The following NHS variants were observed in gnomAD, a reference collection of about 807,000 sequenced individuals.
NHS encodes the protein actin remodeling regulator NHS.
In NHS, 5 loss-of-function variants were observed where a neutral mutation model predicts 72.5. The observed-to-expected ratio is 0.07, with a 90% CI of 0.04 to 0.14. The LOEUF (loss-of-function observed/expected upper bound fraction) is 0.14. Ranked by LOEUF, NHS falls within the 10% of genes least tolerant of loss-of-function variation. The pLI, the probability that NHS is intolerant of heterozygous loss-of-function variation, is 1.00. For missense variants in NHS, 1,072 were observed against 1,355.7 expected, an observed-to-expected ratio of 0.79 and a Z score of 3.29; for synonymous variants, 464 against 547.7, an observed-to-expected ratio of 0.85 and a Z score of 2.13.
At chrX:17,658,136 G>A (rs1038594901) in intron 1 of NHS, among the ~76,000 whole-genome samples, 3 of 112,804 alleles carry the variant, frequency 2.7e-5, no homozygotes, top group Admixed American at 9.3e-5. Flanking sequence ...TAGATTCTGT[G>A]AGCCTGCTAG....
At chrX:17,519,092 G>A (rs1173580058) in intron 1 of NHS, among the ~76,000 whole-genome samples, 1 of 111,975 alleles carries the variant, frequency 8.9e-6, no homozygotes, top group Non-Finnish European at 1.9e-5. Flanking sequence ...AATAATTGTT[G>A]TTACTGTCAT....
chrX:17,708,239 A>G (rs2066307518), intron 3 of NHS, among the ~76,000 whole-genome samples: 1 of 111,746 alleles, frequency 8.9e-6, no homozygotes, highest in Non-Finnish European at 1.9e-5. Context: ...TGCCCAAAGA[A>G]ATAAGTTCAA....
chrX:17,382,496 GTCATGAAGATA>G (rs779728158), intron 1 of NHS, among the ~76,000 whole-genome samples: 3 of 112,141 alleles, frequency 2.7e-5, no homozygotes, highest in Non-Finnish European at 5.6e-5. Context: ...CAACCTCGAG[GTCATGAAGATA>G]TCTCAAAAGT....
At chrX:17,637,181 G>A (rs2147072816) in intron 1 of NHS, among the ~76,000 whole-genome samples, 1 of 112,083 alleles carries the variant, frequency 8.9e-6, no homozygotes, top group Non-Finnish European at 1.9e-5. Context: ...AGTGGATTCA[G>A]GAGAGAGCGT....
intron 1 of NHS, among the ~76,000 whole-genome samples, chrX:17,425,116 A>G (rs1186975304): frequency 8.9e-6 from 1 of 112,013 alleles, no homozygotes; most frequent in African/African-American, 3.2e-5. Flanking sequence ...AGGTTTGCTC[A>G]TGATTTGTCT....
chrX:17,397,106 A>G (rs1455431124), intron 1 of NHS, among the ~76,000 whole-genome samples: 1 of 112,985 alleles, frequency 8.9e-6, no homozygotes, highest in East Asian at 2.8e-4. Context: ...AAAAGCTTTA[A>G]AGGAGGATGG....
rs182159773 is a variant in NHS at position 17,479,199 on chromosome X, C to T, written c.565+102877C>T. On this transcript the variant is annotated intron_variant, in intron 1 of 8. Coordinates refer to ENST00000676302, the MANE Select transcript of NHS (RefSeq NM_001291867.2). ...GTTAGTTTGCTGAGATAGATGGTTT[C>T]CAGCTTCATCCATGTTTCTGCAAAG... Among the ~76,000 whole-genome samples the T allele has an allele frequency of 1.9e-4, 21 of 112,241 alleles. No homozygotes were observed. In the East Asian group the frequency reaches 5.9e-3, roughly 31 times the overall value.
rs145010335 is a variant in NHS, at chrX:17,500,825, C to T, written c.565+124503C>T. On this transcript the variant is annotated intron_variant, in intron 1 of 8. Transcript: ENST00000676302. ...TTGATTCCAGTGCTTATCAGCTGTG[C>T]GAACTTTCTTAGTTGAGTCCCTTAC... is the stretch of plus-strand genomic sequence containing the variant. 6.5e-3 allele frequency among the ~76,000 whole-genome samples: 730 copies of T among 111,463 alleles called. 10 individuals are homozygous for T. The highest frequency in any genetic ancestry group is 0.023 in the African/African-American group (698 of 30,686).
At chrX:17,575,533 C>A (rs1167673797) in intron 1 of NHS, among the ~76,000 whole-genome samples, 2 of 112,325 alleles carry the variant, frequency 1.8e-5, no homozygotes, top group Non-Finnish European at 3.8e-5. Context: ...TATCCCTCCC[C>A]CTCCTCCATG....
intron 1 of NHS, among the ~76,000 whole-genome samples, chrX:17,508,711 C>A (rs1569269436): frequency 9.0e-6 from 1 of 111,555 alleles, no homozygotes; most frequent in Admixed American, 9.5e-5. Context: ...CTCAAATTAT[C>A]CGCCTGCCTC....
rs893476374 is a variant in NHS at position 17,505,771 on chromosome X, G to C, written c.565+129449G>C. ...TTGACTGATTTTTCTAAATCGCACTGTCTCTCCAGCAGGGGTGAGGGTGAA... is the reference window on the plus strand; with the variant it reads ...TTGACTGATTTTTCTAAATCGCACTCTCTCTCCAGCAGGGGTGAGGGTGAA... On this transcript the variant is annotated intron_variant, in intron 1 of 8. Transcript: ENST00000676302. Among the ~76,000 whole-genome samples the C allele has an allele frequency of 4.5e-5, 5 of 110,744 alleles. 1 individual carries two copies. In the Admixed American group the frequency reaches 4.8e-4, roughly 11 times the overall value.
chrX:17,637,660 G>T lies in NHS; in HGVS notation c.566-50082G>T, dbSNP rs149569549. Among the ~76,000 whole-genome samples, 550 of 111,712 alleles carry T rather than the reference G, an allele frequency of 4.9e-3. 4 individuals carry two copies. Among genetic ancestry groups the T allele is most frequent in the African/African-American group, 0.018 (539 of 30,717 alleles). On this transcript the variant is annotated intron_variant, in intron 1 of 8. Coordinates refer to ENST00000676302, the MANE Select transcript of NHS (RefSeq NM_001291867.2). ...TTAACGCAAATTTTATTACCACCAG[G>T]TTTCATTATAAAAATGTTACAGGTT... is the stretch of plus-strand genomic sequence containing the variant.
intron 1 of NHS, among the ~76,000 whole-genome samples, chrX:17,386,663 CA>C (rs1184465152): frequency 1.9e-3 from 74 of 38,431 alleles, no homozygotes; most frequent in East Asian, 7.1e-3. Context: ...AACTCTGTCT[CA>C]AAAAAAAAAA....
At chrX:17,496,639 C>G (rs2065013715) in intron 1 of NHS, among the ~76,000 whole-genome samples, 1 of 111,459 alleles carries the variant, frequency 9.0e-6, no homozygotes, top group African/African-American at 3.3e-5. Context: ...GGTTTGGCAA[C>G]AAGCTGATAG....
At chrX:17,505,061 C>G (rs1359983077) in intron 1 of NHS, among the ~76,000 whole-genome samples, 1 of 110,712 alleles carries the variant, frequency 9.0e-6, no homozygotes, top group East Asian at 2.8e-4. Flanking sequence ...GTAAATAAAT[C>G]TATCTCATAC....
At chrX:17,493,966 C>G (rs1420931498) in intron 1 of NHS, among the ~76,000 whole-genome samples, 1 of 110,432 alleles carries the variant, frequency 9.1e-6, no homozygotes, top group Non-Finnish European at 1.9e-5. Flanking sequence ...TTCTCTGGGC[C>G]TCAGTTTCCT....
At chrX:17,383,577 G>A in intron 1 of NHS, among the ~76,000 whole-genome samples, 1 of 112,281 alleles carries the variant, frequency 8.9e-6, no homozygotes, top group Middle Eastern at 4.6e-3. Context: ...TCACATGGTG[G>A]CAGGAGAGAG....
chrX:17,466,623 G>A (rs143522853), intron 1 of NHS, among the ~76,000 whole-genome samples: 2,311 of 111,798 alleles, frequency 0.021, 42 homozygotes, highest in Middle Eastern at 0.038. Flanking sequence ...TGACAAATCT[G>A]GTTGCATCAC....
chrX:17,474,276 A>G (rs1388695419), intron 1 of NHS, among the ~76,000 whole-genome samples: 3 of 112,385 alleles, frequency 2.7e-5, no homozygotes, highest in Non-Finnish European at 5.6e-5. Context: ...TCCTGAGCCT[A>G]ACCACTAGTG....
Sources: allele counts gnomAD v4.1 joint callset (sites outside exome capture counted in the v4.1 genomes callset), GRCh38; gene constraint gnomAD v4.1.1; transcripts MANE v1.5; gene names NCBI Gene and HGNC (gene_info 2026-07-23, HGNC 2026-07-21).